The following STARD7 variants were observed in gnomAD, a reference collection of about 807,000 sequenced individuals.
STARD7 encodes StAR related lipid transfer domain containing 7.
In STARD7, 30 loss-of-function variants were observed where a neutral mutation model predicts 45.3. The observed-to-expected ratio is 0.66, with a 90% CI of 0.50 to 0.90. The LOEUF is 0.90. Ranked by LOEUF, STARD7 falls within the 40% of genes least tolerant of loss-of-function variation. The pLI is 0.00. For missense variants in STARD7, 495 were observed against 491.3 expected, an observed-to-expected ratio of 1.01 and a Z score of -0.07; for synonymous variants, 199 against 183.0, an observed-to-expected ratio of 1.09 and a Z score of -0.70.
chr2:96,199,565 C>G (rs928432624), intron 1 of STARD7, among the ~76,000 whole-genome samples: 1 of 152,104 alleles, frequency 6.6e-6, no homozygotes, highest in African/African-American at 2.4e-5. Context: ...TCTGTAGATT[C>G]CTTACTATTT....
intron 1 of STARD7, among the ~76,000 whole-genome samples, chr2:96,204,238 C>T (rs898956735): frequency 6.6e-6 from 1 of 151,754 alleles, no homozygotes; most frequent in Non-Finnish European, 1.5e-5. Context: ...CCAGCCTGGG[C>T]GACAGAGTGA....
intron 3 of STARD7, among the ~76,000 whole-genome samples, chr2:96,193,979 C>T (rs1004324894): frequency 3.3e-5 from 5 of 152,298 alleles, no homozygotes; most frequent in African/African-American, 9.6e-5. Context: ...GAACTCTGGG[C>T]GATCCCACCT....
At chr2:96,191,963 C>T (rs1359913762) in intron 6 of STARD7, among the ~76,000 whole-genome samples, 1 of 152,174 alleles carries the variant, frequency 6.6e-6, no homozygotes, top group Non-Finnish European at 1.5e-5. Context: ...AGAAGGCAGA[C>T]AGCATGAGTC....
intron 6 of STARD7, among the ~76,000 whole-genome samples, chr2:96,188,851 G>A (rs1014850592): frequency 7.9e-5 from 12 of 151,822 alleles, no homozygotes; most frequent in Admixed American, 6.6e-5. Flanking sequence ...CCAAGATCAC[G>A]CCATCGCACT....
In STARD7 at chr2:96,197,099, A is replaced by ACT. The variant is rs1172682859; in HGVS notation, c.291-1551_291-1550insAG. Among the ~76,000 whole-genome samples the ACT allele has an allele frequency of 2.4e-4, 34 of 143,360 alleles. 4 individuals are homozygous for ACT. In the East Asian group the frequency reaches 3.0e-3, roughly 13 times the overall value. 94.0% of individuals were successfully genotyped at this position (143,360 alleles called of 152,430 possible). A position where few individuals can be genotyped will look rare whatever the true frequency, so the allele number is the denominator to read the frequency against. ...AATAAAATAAAATAAAATAAAATAA[A>ACT]ATAAAATAAAATAAAATAAAATAAA... is the stretch of plus-strand genomic sequence containing the variant. On this transcript the variant is annotated intron_variant, in intron 1 of 7. Coordinates refer to ENST00000337288, the MANE Select transcript of STARD7 (RefSeq NM_020151.4).
intron 1 of STARD7, among the ~76,000 whole-genome samples, chr2:96,198,300 G>C (rs1683255582): frequency 6.6e-6 from 1 of 150,998 alleles, no homozygotes; most frequent in Non-Finnish European, 1.5e-5. Context: ...TCCAGCCTGG[G>C]CGAAAAGACA....
intron 3 of STARD7, 56 bp from the exon 4 acceptor site, chr2:96,193,408 A>G: frequency 8.8e-7 from 1 of 1,138,900 alleles, no homozygotes; most frequent in Non-Finnish European, 1.3e-6. Flanking sequence ...AAAAATGCAG[A>G]AAGCTTTCCA....
chr2:96,203,227 T>G (rs1343464732), intron 1 of STARD7, among the ~76,000 whole-genome samples: 3 of 152,206 alleles, frequency 2.0e-5, no homozygotes, highest in East Asian at 3.8e-4. Context: ...TAGGCTGCTG[T>G]GCCCAATCTT....
chr2:96,187,116 AAAG>A (rs199821880), intron 7 of STARD7, 98 bp downstream of exon 7: 11,212 of 1,052,714 alleles, frequency 0.011, 24 homozygotes, highest in Middle Eastern at 0.036. Context: ...AAAAAAAAAA[AAAG>A]AAGAACCAGA....
chr2:96,204,760 A>G lies in STARD7; in HGVS notation c.290+3385T>C, dbSNP rs1683361675. On this transcript the variant is annotated intron_variant, in intron 1 of 7. Transcript: ENST00000337288. ...GAAGTGACAATGGCCAAAAAAAAAA[A>G]AAAAAGTTCCTTTAAGGCAAAAGGA... Among the ~76,000 whole-genome samples the G allele has an allele frequency of 2.0e-5, 3 of 152,088 alleles. No individual in the cohort carries two copies. In the South Asian group the frequency reaches 6.2e-4, roughly 32 times the overall value.
At chr2:96,187,332 C>A in intron 6 of STARD7, 31 bp from the exon 7 acceptor site, 1 of 1,387,982 alleles carries the variant, frequency 7.2e-7, no homozygotes, top group South Asian at 1.2e-5. Context: ...AAATGAAGAT[C>A]CCTGAATCAC....
intron 1 of STARD7, among the ~76,000 whole-genome samples, chr2:96,206,481 A>C (rs906364921): frequency 1.3e-5 from 2 of 152,202 alleles, no homozygotes; most frequent in African/African-American, 4.8e-5. Context: ...CTGAAAATTC[A>C]AAGTTAATGA....
intron 6 of STARD7, chr2:96,187,607 T>G (rs1341029448): frequency 4.6e-6 from 1 of 218,734 alleles, no homozygotes; most frequent in African/African-American, 2.3e-5. Flanking sequence ...TTTGCAGGGT[T>G]TGGAATTCTG....
At chr2:96,189,442 T>C (rs1216883642) in intron 6 of STARD7, among the ~76,000 whole-genome samples, 2 of 152,072 alleles carry the variant, frequency 1.3e-5, no homozygotes, top group African/African-American at 2.4e-5. Flanking sequence ...CGGTGGCTCA[T>C]GCCTGTAATC....
intron 6 of STARD7, among the ~76,000 whole-genome samples, chr2:96,190,002 T>C (rs1254626538): frequency 1.3e-5 from 2 of 152,204 alleles, no homozygotes; most frequent in African/African-American, 2.4e-5. Context: ...ACCAGTAAAA[T>C]GTATTACTTG....
intron 1 of STARD7, among the ~76,000 whole-genome samples, chr2:96,207,705 T>TC (rs1683421152): frequency 6.6e-6 from 1 of 152,218 alleles, no homozygotes; most frequent in Admixed American, 6.5e-5. Flanking sequence ...TCCTGGCTTT[T>TC]CTCACAGGCC....
At chr2:96,201,335 G>A (rs1250927217) in intron 1 of STARD7, among the ~76,000 whole-genome samples, 1 of 150,836 alleles carries the variant, frequency 6.6e-6, no homozygotes, top group East Asian at 2.0e-4. Flanking sequence ...CAGCATTTTG[G>A]GAGGCTAAGG....
chr2:96,195,057 G>A (rs1029961787), intron 2 of STARD7, 50 bp from the exon 3 acceptor site: 8 of 1,517,110 alleles, frequency 5.3e-6, no homozygotes, highest in Non-Finnish European at 7.2e-6. Flanking sequence ...CCAGTCACTC[G>A]CCTTGTTTCT....
intron 1 of STARD7, among the ~76,000 whole-genome samples, chr2:96,206,047 G>A (rs1316919099): frequency 6.6e-6 from 1 of 152,166 alleles, no homozygotes; most frequent in Non-Finnish European, 1.5e-5. Flanking sequence ...AGTCCCTCTT[G>A]AGGAGTTGGA....
Sources: gnomAD v4.1 joint callset for allele counts (sites outside exome capture counted in the v4.1 genomes callset) on GRCh38, gnomAD v4.1.1 for gene constraint, MANE v1.5 for transcripts, NCBI Gene and HGNC (gene_info 2026-07-23, HGNC 2026-07-21) for gene names.